The following PIEZO2 variants were observed in gnomAD, a reference collection of about 807,000 sequenced individuals.
PIEZO2 encodes piezo type mechanosensitive ion channel component 2, also known as piezo-type mechanosensitive ion channel component 2.
A neutral mutation model predicts 337.3 loss-of-function variants in PIEZO2; 172 were observed. The observed-to-expected ratio is 0.51, with a 90% CI of 0.45 to 0.58. The LOEUF is 0.58. Among genes scored for constraint, PIEZO2 ranks in the 20% least tolerant of loss-of-function variants. PIEZO2 has a pLI of 0.00. For synonymous variants in PIEZO2, 1,251 were observed against 1,228.5 expected, an observed-to-expected ratio of 1.02 and a Z score of -0.38; for missense variants, 3,028 against 3,391.3, an observed-to-expected ratio of 0.89 and a Z score of 2.66.
Position 11,023,929 on chromosome 18 carries a change from C to T in PIEZO2, c.160+42198G>A, listed in dbSNP as rs574183289. The stretch of plus-strand genomic sequence containing the variant: ...ATTGCCCGGGGCCGGCAGGACTGGC[C>T]GGCCGTTCTGAGTGCGGGGCCGCCG... On this transcript the variant is annotated intron_variant, in intron 2 of 55. Transcript: ENST00000674853. 3.3e-3 allele frequency among the ~76,000 whole-genome samples: 497 copies of T among 152,314 alleles called. 5 individuals are homozygous for T. The highest frequency in any genetic ancestry group is 0.011 in the African/African-American group (453 of 41,578).
chr18:10,724,450 A>G lies in PIEZO2; in HGVS notation c.5030-6191T>C, dbSNP rs1326124527. 2.6e-5 allele frequency among the ~76,000 whole-genome samples: 4 copies of G among 152,074 alleles called. No homozygotes were observed. The East Asian group carries it at 7.7e-4, about 29-fold the overall frequency. On this transcript the variant is annotated intron_variant, in intron 36 of 55. Coordinates refer to ENST00000674853, the MANE Select transcript of PIEZO2 (RefSeq NM_001378183.1). The surrounding 1 kb of genome is among the most constrained non-coding windows in gnomAD (Gnocchi z 5.8). ...GGCAATGCATGCTGCAGCCAATCAG[A>G]CCCCTGGTAGCAGAGCCTGGGCCCA...
At position 10,784,518 on chromosome 18, in the gene PIEZO2, T is replaced by C. The variant is rs1229800043; in HGVS notation, c.2492+266A>G. Among the ~76,000 whole-genome samples, 1 of 152,186 alleles carries C rather than the reference T, an allele frequency of 6.6e-6. No individual in the cohort carries two copies. Among genetic ancestry groups the C allele is most frequent in the African/African-American group, 2.4e-5 (1 of 41,444 alleles). ...AAATACACATATCAACTCTAAAATA[T>C]TTAAGTCTCCACAGCTACTCTGAAT... On this transcript the variant is annotated intron_variant, in intron 17 of 55. Transcript: ENST00000674853. The surrounding 1 kb of genome is among the most constrained non-coding windows in gnomAD (Gnocchi z 4.5).
intron 2 of PIEZO2, among the ~76,000 whole-genome samples, chr18:11,045,515 T>C (rs565523095): frequency 2.0e-5 from 3 of 152,178 alleles, no homozygotes; most frequent in African/African-American, 7.2e-5. Context: ...AACCGTGAAA[T>C]CACACACGAA....
intron 22 of PIEZO2, 131 bp from the exon 23 acceptor site, chr18:10,762,756 C>T: frequency 7.5e-7 from 1 of 1,329,560 alleles, no homozygotes. Context: ...CAGGGGAGAC[C>T]TCAGTATGAG....
chr18:10,927,357 C>T (rs2031806753), intron 3 of PIEZO2, among the ~76,000 whole-genome samples: 1 of 152,186 alleles, frequency 6.6e-6, no homozygotes, highest in South Asian at 2.1e-4. Context: ...GGATACTTAG[C>T]AGGATGCAGT....
chr18:11,013,000 C>T (rs1417537855), intron 2 of PIEZO2, among the ~76,000 whole-genome samples: 1 of 152,104 alleles, frequency 6.6e-6, no homozygotes, highest in Non-Finnish European at 1.5e-5. Flanking sequence ...GCTGTGACTG[C>T]ACTACCACAC....
At position 10,870,682 on chromosome 18, in the gene PIEZO2, A is replaced by T. The variant is rs1177908681; in HGVS notation, c.492+571T>A. Reference sequence around the variant, plus strand: ...TCCTGAAACCTTTCAACCAGCTAGCAAACATACATCTCGTTCATTATTTTT... The same window carrying T: ...TCCTGAAACCTTTCAACCAGCTAGCTAACATACATCTCGTTCATTATTTTT... On this transcript the variant is annotated intron_variant, in intron 5 of 55. Coordinates refer to ENST00000674853, the MANE Select transcript of PIEZO2 (RefSeq NM_001378183.1). The surrounding 1 kb of genome is among the most constrained non-coding windows in gnomAD (Gnocchi z 5.3). 6.6e-6 allele frequency among the ~76,000 whole-genome samples: 1 copy of T among 152,184 alleles called. No homozygotes were observed. The highest frequency in any genetic ancestry group is 2.4e-5 in the African/African-American group (1 of 41,426).
At chr18:10,966,280 T>C (rs1364279628) in intron 3 of PIEZO2, among the ~76,000 whole-genome samples, 1 of 152,176 alleles carries the variant, frequency 6.6e-6, no homozygotes, top group Non-Finnish European at 1.5e-5. Flanking sequence ...AACTCTTGAC[T>C]CTTCCTTAAT....
At chr18:10,722,232 T>C in intron 36 of PIEZO2, among the ~76,000 whole-genome samples, 1 of 90,976 alleles carries the variant, frequency 1.1e-5, no homozygotes, top group Admixed American at 1.1e-4. Flanking sequence ...GAGGAGAGAC[T>C]TTTTTTTTTT....
At chr18:10,844,422 G>C in intron 7 of PIEZO2, among the ~76,000 whole-genome samples, 1 of 144,284 alleles carries the variant, frequency 6.9e-6, no homozygotes, top group Non-Finnish European at 1.5e-5. Flanking sequence ...TGTCTCAAAA[G>C]ATAAAATAAA....
Position 10,901,547 on chromosome 18 carries a change from G to A in PIEZO2, c.329+9639C>T, listed in dbSNP as rs1055247514. ...AAGCAAGAAAGCAGGTTGGATGGTGGCGTTCAGAGTTCAAATCTGCTGTTT... is the reference window on the plus strand; with the variant it reads ...AAGCAAGAAAGCAGGTTGGATGGTGACGTTCAGAGTTCAAATCTGCTGTTT... On this transcript the variant is annotated intron_variant, in intron 4 of 55. Coordinates refer to ENST00000674853, the MANE Select transcript of PIEZO2 (RefSeq NM_001378183.1). 2.0e-5 allele frequency among the ~76,000 whole-genome samples: 3 copies of A among 152,186 alleles called. No individual in the cohort carries two copies. The East Asian group carries it at 5.8e-4, about 29-fold the overall frequency.
chr18:10,910,421 A>G (rs551532070), intron 4 of PIEZO2, among the ~76,000 whole-genome samples: 1 of 152,252 alleles, frequency 6.6e-6, no homozygotes, highest in Admixed American at 6.5e-5. Context: ...TGTCTCTACT[A>G]AAAATACGAA....
At position 10,708,266 on chromosome 18, in the gene PIEZO2, G is replaced by A. The variant is rs936158808; in HGVS notation, c.5588+9C>T. ...AAATGACAGAACAAAGCATGCACAA[G>A]TTAAGCACCTTGATGCTAAACTGCC... is the stretch of plus-strand genomic sequence containing the variant. On this transcript the variant is annotated intron_variant, in intron 40 of 55. Coordinates refer to ENST00000674853, the MANE Select transcript of PIEZO2 (RefSeq NM_001378183.1). 1 of 152,626 alleles carries A rather than the reference G, an allele frequency of 6.6e-6. No homozygotes were observed. The highest frequency in any genetic ancestry group is 1.5e-5 in the Non-Finnish European group (1 of 68,042). 9.5% of individuals were successfully genotyped at this position (152,626 alleles called of 1,614,324 possible).
intron 4 of PIEZO2, among the ~76,000 whole-genome samples, chr18:10,910,819 T>C (rs2145069578): frequency 6.6e-6 from 1 of 152,166 alleles, no homozygotes; most frequent in Non-Finnish European, 1.5e-5. Flanking sequence ...ATATAAACTT[T>C]TCTGTTCTAA....
At chr18:11,085,686 C>A (rs948225713) in intron 1 of PIEZO2, among the ~76,000 whole-genome samples, 4 of 152,114 alleles carry the variant, frequency 2.6e-5, no homozygotes, top group African/African-American at 9.7e-5. Flanking sequence ...GTCCCCTTCT[C>A]CCTTATCTAT....
intron 41 of PIEZO2, among the ~76,000 whole-genome samples, chr18:10,705,021 A>G (rs1432946016): frequency 6.6e-5 from 10 of 152,062 alleles, no homozygotes; most frequent in Non-Finnish European, 1.5e-4. Context: ...CAAATTACTG[A>G]TTTTCATTTA....
At position 10,993,287 on chromosome 18, in the gene PIEZO2, C is replaced by G. The variant is rs190464130; in HGVS notation, c.161-13627G>C. Among the ~76,000 whole-genome samples the G allele has an allele frequency of 1.5e-3, 228 of 151,826 alleles. 4 individuals are homozygous for G. In the East Asian group the frequency reaches 0.03, roughly 20 times the overall value. ...TTGAATAGGAGTGGTGAGAGAGTGC[C>G]GGTTTTCAAAGGGAATGCTTCCAGT... is the stretch of plus-strand genomic sequence containing the variant. On this transcript the variant is annotated intron_variant, in intron 2 of 55. Coordinates refer to ENST00000674853, the MANE Select transcript of PIEZO2 (RefSeq NM_001378183.1). The surrounding 1 kb of genome is among the most constrained non-coding windows in gnomAD (Gnocchi z 5.0).
At position 10,680,345 on chromosome 18, in the gene PIEZO2, A is replaced by T; in HGVS notation, c.7806T>A (p.Tyr2602Ter). ...CTGCTACTGTTATGTCTTCTTTTTCATAATTTTCCAGAAATTGCATAGCAC... is the reference window on the plus strand; with the variant it reads ...CTGCTACTGTTATGTCTTCTTTTTCTTAATTTTCCAGAAATTGCATAGCAC... ...DTGAMQFLEN[Y>*]EKEDITVAEL... The change falls in exon 52 of 56, where the codon TAT (tyrosine) becomes TAA (stop). Residue 2602 changes from tyrosine to a stop codon, truncating the protein, a stop_gained. Transcript: ENST00000674853. LOFTEE classifies it high-confidence loss of function. 6.2e-7 allele frequency: 1 copy of T among 1,613,932 alleles called. No individual in the cohort carries two copies. Among genetic ancestry groups the T allele is most frequent in the Non-Finnish European group, 8.5e-7 (1 of 1,179,890 alleles).
rs1441714248 is a variant in PIEZO2 at position 10,855,502 on chromosome 18, C to G, written c.768G>C (p.Trp256Cys). The stretch of plus-strand genomic sequence containing the variant: ...GGTCGAACGTCCGGCACCAGGACCA[C>G]CAGGTGCACAGACCCAAAAATACAA... ...YFFVFLGLCTWWSWCRTFDPL... is the reference protein window; with the variant it reads ...YFFVFLGLCTCWSWCRTFDPL... Residue 256 changes from tryptophan (W) to cysteine (C), a missense_variant, in exon 7 of 56, where the codon TGG becomes TGC. Physicochemically the swap from Trp to Cys is radical, Grantham distance 215. Transcript: ENST00000674853. This position sits in a 1 kb window ranked among gnomAD's most constrained non-coding sequence, Gnocchi z 4.9. The G allele has an allele frequency of 2.6e-6, 4 of 1,537,006 alleles. No homozygotes were observed. The Admixed American group carries it at 5.9e-5, about 23-fold the overall frequency.
Sources: allele counts gnomAD v4.1 joint callset (sites outside exome capture counted in the v4.1 genomes callset), GRCh38; gene constraint gnomAD v4.1.1; non-coding constraint Gnocchi (gnomAD v3.1); transcripts MANE v1.5; gene names NCBI Gene and HGNC (gene_info 2026-07-23, HGNC 2026-07-21).